The following XKR9 variants were observed in gnomAD, a reference collection of about 807,000 sequenced individuals.
The protein encoded by XKR9 is XK related 9.
Under a neutral mutation model 32.0 loss-of-function variants are expected in XKR9, and 32 were observed. The observed-to-expected ratio is 1.00, with a 90% CI of 0.76 to 1.34. XKR9 has a LOEUF of 1.34. Among genes scored for constraint, XKR9 ranks in the 40% most tolerant of loss-of-function variants. The probability of loss-of-function intolerance (pLI) is 0.00; values close to 1 mark genes in which losing one functional copy is unlikely to be tolerated. For synonymous variants in XKR9, 168 were observed against 143.4 expected (o/e 1.17, Z -1.22); for missense variants, 546 against 429.7 (o/e 1.27, Z -2.39).
At chr8:70,717,306 C>T (rs1452635037) in intron 4 of XKR9, among the ~76,000 whole-genome samples, 1 of 152,308 alleles carries the variant, frequency 6.6e-6, no homozygotes, top group East Asian at 1.9e-4. Context: ...TCCAACCCCA[C>T]ATTTCCCTTC....
the XKR9 span, among the ~76,000 whole-genome samples, chr8:70,892,335 T>C: frequency 1.3e-5 from 2 of 152,282 alleles, no homozygotes; most frequent in African/African-American, 2.4e-5. Context: ...TGTTCTTTTG[T>C]TCCTGTTTTA....
At chr8:70,691,202 A>T (rs759249931) in intron 3 of XKR9, among the ~76,000 whole-genome samples, 2 of 152,096 alleles carry the variant, frequency 1.3e-5, no homozygotes, top group Non-Finnish European at 2.9e-5. Flanking sequence ...TGCCACATGT[A>T]TGTCTTCTTT....
At chr8:70,841,747 A>T in the XKR9 span, among the ~76,000 whole-genome samples, 1 of 152,196 alleles carries the variant, frequency 6.6e-6, no homozygotes, top group Admixed American at 6.5e-5. Context: ...CAAAAATATC[A>T]CATAAATGAT....
chr8:70,761,217 G>T (rs1807304508), intron 2 of XKR9, among the ~76,000 whole-genome samples: 1 of 152,090 alleles, frequency 6.6e-6, no homozygotes, highest in South Asian at 2.1e-4. Context: ...TGTTAATTTG[G>T]GTATATACCC....
the XKR9 span, among the ~76,000 whole-genome samples, chr8:70,902,835 T>C: frequency 6.6e-6 from 1 of 152,208 alleles, no homozygotes; most frequent in Non-Finnish European, 1.5e-5. Flanking sequence ...GTTTTTAGCA[T>C]GAAGCGCTGT....
chr8:70,813,479 G>T, the XKR9 span, among the ~76,000 whole-genome samples: 1 of 152,112 alleles, frequency 6.6e-6, no homozygotes. Flanking sequence ...CACAGCAAAA[G>T]AAACTACCAT....
At chr8:70,889,025 G>T in the XKR9 span, among the ~76,000 whole-genome samples, 2 of 151,816 alleles carry the variant, frequency 1.3e-5, no homozygotes, top group Admixed American at 6.6e-5. Context: ...CATTGAAGCC[G>T]CAGATTGCTT....
chr8:70,798,093 TG>T, the XKR9 span, among the ~76,000 whole-genome samples: 1 of 152,216 alleles, frequency 6.6e-6, no homozygotes, highest in Non-Finnish European at 1.5e-5. Context: ...TGGGTTTGAA[TG>T]GTAGTTCTGT....
chr8:70,721,396 G>T (rs1472160604), intron 4 of XKR9, among the ~76,000 whole-genome samples: 1 of 151,914 alleles, frequency 6.6e-6, no homozygotes, highest in Non-Finnish European at 1.5e-5. Flanking sequence ...GTGATATTAG[G>T]GTGTTGATTT....
At chr8:70,701,748 C>A (rs768122753) in intron 3 of XKR9, among the ~76,000 whole-genome samples, 4 of 152,070 alleles carry the variant, frequency 2.6e-5, no homozygotes, top group Non-Finnish European at 5.9e-5. Flanking sequence ...CAAGGAATAT[C>A]AATATGAATT....
intron 2 of XKR9, among the ~76,000 whole-genome samples, chr8:70,754,115 C>G (rs188861146): frequency 2.8e-5 from 4 of 143,158 alleles, no homozygotes; most frequent in South Asian, 2.3e-4. Context: ...TTCTTATACA[C>G]CAATAACAGA....
the XKR9 span, among the ~76,000 whole-genome samples, chr8:70,958,122 T>G: frequency 5.3e-5 from 8 of 152,338 alleles, no homozygotes; most frequent in African/African-American, 1.9e-4. Flanking sequence ...TTAGGTTGAT[T>G]CTATGTCTTT....
At chr8:70,895,528 C>T in the XKR9 span, among the ~76,000 whole-genome samples, 2 of 152,088 alleles carry the variant, frequency 1.3e-5, no homozygotes, top group African/African-American at 4.8e-5. Flanking sequence ...AATTTTGATT[C>T]AGATTACTTT....
chr8:70,902,201 T>C, the XKR9 span, among the ~76,000 whole-genome samples: 1 of 152,250 alleles, frequency 6.6e-6, no homozygotes, highest in Non-Finnish European at 1.5e-5. Flanking sequence ...AAGTCATTGG[T>C]ATCTTGATGG....
At chr8:70,954,124 T>C in the XKR9 span, among the ~76,000 whole-genome samples, 1 of 152,084 alleles carries the variant, frequency 6.6e-6, no homozygotes, top group Non-Finnish European at 1.5e-5. Flanking sequence ...TCCATACTTT[T>C]GGAGTAAGGT....
intron 2 of XKR9, 106 bp from the exon 3 acceptor site, chr8:70,680,672 TGGC>T (rs1402561740): frequency 6.4e-6 from 1 of 155,510 alleles, no homozygotes; most frequent in East Asian, 1.9e-4. Flanking sequence ...CTGTATTTAG[TGGC>T]AATATATTAT....
chr8:70,922,196 G>T, the XKR9 span, among the ~76,000 whole-genome samples: 1 of 152,164 alleles, frequency 6.6e-6, no homozygotes, highest in Non-Finnish European at 1.5e-5. Context: ...CAGAACACAA[G>T]TTTCTCTTTT....
the XKR9 span, among the ~76,000 whole-genome samples, chr8:70,909,947 A>T: frequency 2.0e-5 from 3 of 152,124 alleles, no homozygotes; most frequent in East Asian, 5.8e-4. Flanking sequence ...ACCTCAAGTC[A>T]TCTACCTGCC....
downstream of XKR9, among the ~76,000 whole-genome samples, chr8:70,793,295 A>G (rs548753749): frequency 3.3e-5 from 5 of 152,238 alleles, no homozygotes; most frequent in East Asian, 9.7e-4. Context: ...AGGTGAGGTC[A>G]TTAAGAAGTG....
Sources: gnomAD v4.1 joint callset for allele counts (sites outside exome capture counted in the v4.1 genomes callset) on GRCh38, gnomAD v4.1.1 for gene constraint, MANE v1.5 for transcripts, NCBI Gene and HGNC (gene_info 2026-07-23, HGNC 2026-07-21) for gene names.